Variants in MAN2A1 observed in about 807,000 individuals in gnomAD.
The protein encoded by MAN2A1 is alpha-mannosidase 2.
MAN2A1 carries 76 observed loss-of-function variants against 142.6 expected under a neutral mutation model. The ratio of observed to expected loss-of-function variants is 0.53; its 90% CI spans 0.44 to 0.65. The LOEUF is 0.65. Among genes scored for constraint, MAN2A1 ranks in the 30% least tolerant of loss-of-function variants. MAN2A1 has a pLI of 0.00. For synonymous variants in MAN2A1, 559 were observed against 473.2 expected (o/e 1.18, Z -2.35); for missense variants, 1,311 against 1,365.1 (o/e 0.96, Z 0.62).
At chr5:109,851,668 C>T (rs1262693333) in intron 19 of MAN2A1, among the ~76,000 whole-genome samples, 2 of 152,086 alleles carry the variant, frequency 1.3e-5, no homozygotes, top group East Asian at 3.9e-4. Context: ...TCTGTTATGG[C>T]AGCAGAAAAT....
At chr5:109,772,294 G>C (rs1418679743) in intron 7 of MAN2A1, among the ~76,000 whole-genome samples, 1 of 152,074 alleles carries the variant, frequency 6.6e-6, no homozygotes, top group African/African-American at 2.4e-5. Context: ...AATAGAACCT[G>C]GGAGGCAGAG....
intron 12 of MAN2A1, among the ~76,000 whole-genome samples, chr5:109,792,699 GGAGA>G (rs1432471814): frequency 6.6e-6 from 1 of 152,090 alleles, no homozygotes; most frequent in East Asian, 1.9e-4. Context: ...GCAGGCAATT[GGAGA>G]TTGGGACTGG....
intron 1 of MAN2A1, among the ~76,000 whole-genome samples, chr5:109,697,039 A>T (rs1750834703): frequency 6.6e-6 from 1 of 152,232 alleles, no homozygotes; most frequent in Non-Finnish European, 1.5e-5. Flanking sequence ...TGAGAAAAAC[A>T]TTAGGGTCAG....
chr5:109,844,196 A>G (rs1410742000), intron 17 of MAN2A1, among the ~76,000 whole-genome samples: 1 of 152,228 alleles, frequency 6.6e-6, no homozygotes, highest in Non-Finnish European at 1.5e-5. Flanking sequence ...AGTAAAACCG[A>G]ATAACTAAAA....
At chr5:109,759,124 G>A (rs1210408027) in intron 5 of MAN2A1, among the ~76,000 whole-genome samples, 1 of 152,094 alleles carries the variant, frequency 6.6e-6, no homozygotes, top group African/African-American at 2.4e-5. Flanking sequence ...GCTAGTGGTT[G>A]TATTAAATCT....
At chr5:109,740,451 T>C (rs896271665) in intron 4 of MAN2A1, among the ~76,000 whole-genome samples, 1 of 152,192 alleles carries the variant, frequency 6.6e-6, no homozygotes, top group African/African-American at 2.4e-5. Flanking sequence ...AATGTGCTGC[T>C]TCACAGAGTC....
intron 3 of MAN2A1, among the ~76,000 whole-genome samples, chr5:109,716,901 A>G (rs1751470027): frequency 2.0e-5 from 3 of 152,190 alleles, no homozygotes. Context: ...GTTACTGCAT[A>G]TGATGGCGTT....
Position 109,867,087 on chromosome 5 carries a change from C to T in MAN2A1, c.*89C>T. On this transcript the variant is annotated 3_prime_UTR_variant, in exon 22 of 22. Transcript: ENST00000261483. ...ATAAAGAAGCACATTATTTTAGCTTCTGGCTACTGTGAGAACATGAATTCT... is the reference window on the plus strand; with the variant it reads ...ATAAAGAAGCACATTATTTTAGCTTTTGGCTACTGTGAGAACATGAATTCT... 2 of 1,003,770 alleles carry T rather than the reference C, an allele frequency of 2.0e-6. No individual in the cohort carries two copies. Among genetic ancestry groups the T allele is most frequent in the Non-Finnish European group, 2.8e-6 (2 of 719,980 alleles). 62.2% of individuals were successfully genotyped at this position (1,003,770 alleles called of 1,614,324 possible).
chr5:109,855,667 A>C (rs1561545081), intron 20 of MAN2A1, among the ~76,000 whole-genome samples: 1 of 152,202 alleles, frequency 6.6e-6, no homozygotes, highest in Non-Finnish European at 1.5e-5. Context: ...AAGCTAGAGA[A>C]ATAGTACTTA....
intron 8 of MAN2A1, among the ~76,000 whole-genome samples, chr5:109,778,194 A>G (rs969399551): frequency 6.6e-6 from 1 of 151,890 alleles, no homozygotes; most frequent in African/African-American, 2.4e-5. Context: ...AACGTGGTGT[A>G]TTTTGTGTAT....
intron 15 of MAN2A1, among the ~76,000 whole-genome samples, chr5:109,822,966 C>T (rs1213563668): frequency 6.6e-6 from 1 of 152,174 alleles, no homozygotes; most frequent in Non-Finnish European, 1.5e-5. Context: ...GCGTGAGCCA[C>T]GGCGCCTGGC....
intron 4 of MAN2A1, among the ~76,000 whole-genome samples, chr5:109,730,533 T>C (rs2112585438): frequency 6.8e-6 from 1 of 146,742 alleles, no homozygotes; most frequent in East Asian, 1.9e-4. Context: ...ATTTCATTTT[T>C]TACCATTCAC....
intron 3 of MAN2A1, among the ~76,000 whole-genome samples, chr5:109,725,008 G>A (rs1215365908): frequency 6.6e-6 from 1 of 151,728 alleles, no homozygotes; most frequent in Non-Finnish European, 1.5e-5. Flanking sequence ...ATCTTATTAA[G>A]TACTTATTGA....
chr5:109,744,583 T>C (rs1752350183), intron 4 of MAN2A1, among the ~76,000 whole-genome samples: 1 of 152,142 alleles, frequency 6.6e-6, no homozygotes, highest in Admixed American at 6.6e-5. Context: ...TTTCCAACCC[T>C]TTTAGAATGG....
At chr5:109,751,709 A>T (rs1397773646) in intron 4 of MAN2A1, among the ~76,000 whole-genome samples, 2 of 152,084 alleles carry the variant, frequency 1.3e-5, no homozygotes, top group Non-Finnish European at 2.9e-5. Context: ...GGCTTACACC[A>T]ACTGGAAGGA....
At chr5:109,773,350 G>A (rs1303461410) in intron 7 of MAN2A1, among the ~76,000 whole-genome samples, 1 of 152,102 alleles carries the variant, frequency 6.6e-6, no homozygotes, top group East Asian at 1.9e-4. Flanking sequence ...ATGTATACAA[G>A]ATACTCTATA....
Position 109,839,934 on chromosome 5 carries a change from C to CTT in MAN2A1, c.2567-2380_2567-2379dup, listed in dbSNP as rs766999792. Among the ~76,000 whole-genome samples, 65 of 140,224 alleles carry CTT rather than the reference C, an allele frequency of 4.6e-4. 1 individual carries two copies. Among genetic ancestry groups the CTT allele is most frequent in the Middle Eastern group, 7.3e-3 (2 of 274 alleles). The allele number at this position is 140,224 out of a possible 152,430, so 92.0% of individuals were successfully genotyped here. A position where few individuals can be genotyped will look rare whatever the true frequency, so the allele number is the denominator to read the frequency against. ...TGCCTACACTAACAGCATTTACATTCTTTTTTTTTTTTTTTAACAGAAATG... is the reference window on the plus strand; with the variant it reads ...TGCCTACACTAACAGCATTTACATTCTTTTTTTTTTTTTTTTTAACAGAAATG... On this transcript the variant is annotated intron_variant, in intron 16 of 21. Transcript: ENST00000261483.
chr5:109,781,080 C>T (rs991645371), intron 8 of MAN2A1, among the ~76,000 whole-genome samples: 11 of 152,064 alleles, frequency 7.2e-5, no homozygotes, highest in African/African-American at 2.4e-4. Context: ...AATCCATGCC[C>T]AAATCATTGT....
rs1755908207 is a variant in MAN2A1 at position 109,867,165 on chromosome 5, A to C, written c.*167A>C. ...TTTTACCAGTACAGTAAGAAAAAAAAAAAAAAAAAAAAAGCCATGCTATCA... is the reference window on the plus strand; with the variant it reads ...TTTTACCAGTACAGTAAGAAAAAAACAAAAAAAAAAAAAGCCATGCTATCA... On this transcript the variant is annotated 3_prime_UTR_variant, in exon 22 of 22. Transcript: ENST00000261483. The C allele has an allele frequency of 2.4e-6, 1 of 410,122 alleles. No homozygotes were observed. Among genetic ancestry groups the C allele is most frequent in the Admixed American group, 4.4e-5 (1 of 22,714 alleles). 25.4% of individuals were successfully genotyped at this position (410,122 alleles called of 1,614,324 possible).
Sources: gnomAD v4.1 joint callset for allele counts (sites outside exome capture counted in the v4.1 genomes callset) on GRCh38, gnomAD v4.1.1 for gene constraint, MANE v1.5 for transcripts, NCBI Gene and HGNC (gene_info 2026-07-23, HGNC 2026-07-21) for gene names.